The following APAF1 variants were observed in gnomAD, a reference collection of about 807,000 sequenced individuals.
The protein encoded by APAF1 is apoptotic protease-activating factor 1.
In APAF1, 91 loss-of-function variants were observed where a neutral mutation model predicts 152.4. The ratio of observed to expected loss-of-function variants is 0.60; its 90% CI spans 0.50 to 0.71. The LOEUF (loss-of-function observed/expected upper bound fraction) is 0.71, where lower values mean the gene tolerates loss of function less well. APAF1 is among the 30% of genes least tolerant of loss of function. The pLI is 0.00. For synonymous variants in APAF1, 484 were observed against 494.1 expected (o/e 0.98, Z 0.27); for missense variants, 1,283 against 1,472.0 (o/e 0.87, Z 2.10).
chr12:98,681,845 T>C (rs754166984), intron 14 of APAF1, among the ~76,000 whole-genome samples: 5 of 152,186 alleles, frequency 3.3e-5, no homozygotes, highest in Non-Finnish European at 7.4e-5. Context: ...TAAAGAACTT[T>C]AAAATAAGAT....
intron 22 of APAF1, among the ~76,000 whole-genome samples, chr12:98,718,485 G>A (rs1272532426): frequency 6.6e-6 from 1 of 152,030 alleles, no homozygotes; most frequent in Non-Finnish European, 1.5e-5. Flanking sequence ...TCTCACCTTG[G>A]CCTCCCAAAG....
intron 18 of APAF1, among the ~76,000 whole-genome samples, chr12:98,705,733 A>G (rs958917543): frequency 1.3e-5 from 2 of 152,218 alleles, no homozygotes; most frequent in South Asian, 2.1e-4. Context: ...ACATGTTACA[A>G]TTATTGTGTT....
chr12:98,681,678 G>A (rs1175648297), intron 14 of APAF1, among the ~76,000 whole-genome samples: 2 of 152,098 alleles, frequency 1.3e-5, no homozygotes, highest in African/African-American at 4.8e-5. Context: ...TTGGACTCGT[G>A]GCTTAACCAA....
chr12:98,664,761 C>G (rs921815828), intron 7 of APAF1, among the ~76,000 whole-genome samples: 1 of 152,144 alleles, frequency 6.6e-6, no homozygotes, highest in African/African-American at 2.4e-5. Flanking sequence ...TCTCAAACTT[C>G]TGCCCTCAAG....
intron 15 of APAF1, among the ~76,000 whole-genome samples, chr12:98,685,616 G>A (rs1239219334): frequency 6.6e-6 from 1 of 151,834 alleles, no homozygotes; most frequent in Non-Finnish European, 1.5e-5. Flanking sequence ...TTACAGGTGT[G>A]AGCCACCACG....
chr12:98,708,136 A>T (rs754413122), intron 19 of APAF1, among the ~76,000 whole-genome samples: 6 of 152,136 alleles, frequency 3.9e-5, no homozygotes, highest in Non-Finnish European at 7.4e-5. Flanking sequence ...TAGTAGAAAT[A>T]GGGTTTCACC....
chr12:98,712,270 A>G (rs750635443), intron 20 of APAF1, 49 bp from the exon 21 acceptor site: 4 of 1,066,752 alleles, frequency 3.7e-6, no homozygotes, highest in East Asian at 2.4e-5. Context: ...CTGACGAACA[A>G]AAACTGCTCT....
intron 7 of APAF1, 93 bp downstream of exon 7, chr12:98,662,899 T>G (rs2153315214): frequency 7.8e-7 from 1 of 1,287,844 alleles, no homozygotes; most frequent in South Asian, 1.3e-5. Flanking sequence ...ATTTAGCACA[T>G]GAACATCCAA....
Position 98,703,178 on chromosome 12 carries a change from T to C in APAF1, c.2467-193T>C, listed in dbSNP as rs558461838. Among the ~76,000 whole-genome samples, 24 of 152,354 alleles carry C rather than the reference T, an allele frequency of 1.6e-4. No individual in the cohort carries two copies. The East Asian group carries it at 4.2e-3, about 27-fold the overall frequency. On this transcript the variant is annotated intron_variant, in intron 17 of 26. Transcript: ENST00000551964. ...GATGAATTTTCCTTTATAGAAAATA[T>C]GTTTTAAGATGAGCAGTATTTTTAA... is the stretch of plus-strand genomic sequence containing the variant.
intron 7 of APAF1, among the ~76,000 whole-genome samples, chr12:98,664,176 AC>A (rs2153316157): frequency 6.6e-6 from 1 of 151,428 alleles, no homozygotes; most frequent in South Asian, 2.1e-4. Context: ...GTGCTACCTC[AC>A]CCAGCTAATT....
chr12:98,665,125 G>T (rs1035541283), intron 7 of APAF1, among the ~76,000 whole-genome samples: 2 of 144,686 alleles, frequency 1.4e-5, no homozygotes, highest in African/African-American at 2.6e-5. Flanking sequence ...AACCTCCTGG[G>T]CTGAAGCAAT....
chr12:98,694,895 T>A (rs1012563999), intron 16 of APAF1, among the ~76,000 whole-genome samples: 3 of 151,642 alleles, frequency 2.0e-5, no homozygotes, highest in African/African-American at 4.8e-5. Context: ...TTTTTTTTTT[T>A]AGACAGTCTT....
intron 17 of APAF1, among the ~76,000 whole-genome samples, chr12:98,702,074 T>C (rs2097716008): frequency 6.6e-6 from 1 of 152,194 alleles, no homozygotes; most frequent in Non-Finnish European, 1.5e-5. Context: ...CTAAACATTT[T>C]TTTTTTTTTG....
chr12:98,655,869 G>T (rs544984046), intron 4 of APAF1, among the ~76,000 whole-genome samples: 3 of 151,382 alleles, frequency 2.0e-5, no homozygotes, highest in African/African-American at 7.3e-5. Flanking sequence ...CTGCAAGCTC[G>T]GCCTCCCGGG....
intron 10 of APAF1, among the ~76,000 whole-genome samples, chr12:98,668,197 TA>T (rs2097675841): frequency 6.6e-6 from 1 of 152,224 alleles, no homozygotes. Flanking sequence ...TATAATTTTT[TA>T]TTAGTAAAAA....
intron 22 of APAF1, among the ~76,000 whole-genome samples, chr12:98,716,315 A>G (rs1438642837): frequency 6.6e-6 from 1 of 152,242 alleles, no homozygotes; most frequent in Non-Finnish European, 1.5e-5. Flanking sequence ...GTGCATGCAC[A>G]CGTTCACAGA....
intron 7 of APAF1, among the ~76,000 whole-genome samples, chr12:98,663,927 G>A (rs1188898611): frequency 1.3e-5 from 2 of 151,962 alleles, no homozygotes; most frequent in African/African-American, 4.8e-5. Context: ...CAAAGTGCTG[G>A]GATTATAGGC....
At chr12:98,697,619 G>A (rs1248080590) in intron 16 of APAF1, among the ~76,000 whole-genome samples, 1 of 152,172 alleles carries the variant, frequency 6.6e-6, no homozygotes, top group East Asian at 1.9e-4. Context: ...CGCAGCAGGG[G>A]ACAGACACTA....
chr12:98,677,868 G>A (rs758307834), intron 13 of APAF1, among the ~76,000 whole-genome samples: 1 of 152,184 alleles, frequency 6.6e-6, no homozygotes, highest in Non-Finnish European at 1.5e-5. Context: ...AGGGAATAGG[G>A]CTGTGATTAA....
Sources: gnomAD v4.1 joint callset for allele counts (sites outside exome capture counted in the v4.1 genomes callset) on GRCh38, gnomAD v4.1.1 for gene constraint, MANE v1.5 for transcripts, NCBI Gene and HGNC (gene_info 2026-07-23, HGNC 2026-07-21) for gene names.